The following SLC4A10 variants were observed in gnomAD, a reference collection of about 807,000 sequenced individuals.
SLC4A10 encodes sodium-driven chloride bicarbonate exchanger.
In SLC4A10, 42 loss-of-function variants were observed where a neutral mutation model predicts 137.7. The ratio of observed to expected loss-of-function variants is 0.30; its 90% CI spans 0.24 to 0.39. The LOEUF is 0.39. SLC4A10 is among the 10% of genes least tolerant of loss of function. SLC4A10 has a pLI of 1.00. For missense variants in SLC4A10, 925 were observed against 1,355.0 expected, an observed-to-expected ratio of 0.68 and a Z score of 4.98; for synonymous variants, 474 against 464.1, an observed-to-expected ratio of 1.02 and a Z score of -0.27.
intron 11 of SLC4A10, among the ~76,000 whole-genome samples, chr2:161,898,381 CT>C (rs2063736077): frequency 2.0e-5 from 3 of 152,080 alleles, no homozygotes; most frequent in Non-Finnish European, 2.9e-5. Flanking sequence ...CAGATATGCT[CT>C]ATGCTTCTTT....
intron 15 of SLC4A10, among the ~76,000 whole-genome samples, chr2:161,916,578 G>T (rs994758542): frequency 2.0e-5 from 3 of 152,178 alleles, no homozygotes; most frequent in African/African-American, 4.8e-5. Flanking sequence ...AAGCCAAAGG[G>T]CTTCTGTGAC....
chr2:161,905,041 T>G (rs1684023124), intron 14 of SLC4A10, 132 bp downstream of exon 14: 1 of 898,820 alleles, frequency 1.1e-6, no homozygotes, highest in Non-Finnish European at 1.6e-6. Flanking sequence ...TTTATCATTT[T>G]TGCTTCATCA....
chr2:161,662,980 T>C (rs747175315), intron 1 of SLC4A10, among the ~76,000 whole-genome samples: 5 of 152,178 alleles, frequency 3.3e-5, no homozygotes, highest in African/African-American at 7.2e-5. Flanking sequence ...CCTGGCAGTT[T>C]TGGTTGTGTG....
At chr2:161,869,625 A>G (rs972045459) in intron 6 of SLC4A10, among the ~76,000 whole-genome samples, 1 of 151,584 alleles carries the variant, frequency 6.6e-6, no homozygotes, top group Admixed American at 6.6e-5. Flanking sequence ...ACATCGTTCT[A>G]TATACTACCA....
intron 6 of SLC4A10, among the ~76,000 whole-genome samples, chr2:161,866,109 A>G (rs1231181248): frequency 1.3e-5 from 2 of 152,034 alleles, no homozygotes; most frequent in Admixed American, 6.6e-5. Context: ...AATTATCTCA[A>G]AAACAAATTG....
chr2:161,773,752 T>C (rs529744969), intron 2 of SLC4A10, among the ~76,000 whole-genome samples: 3 of 151,930 alleles, frequency 2.0e-5, no homozygotes, highest in Non-Finnish European at 2.9e-5. Flanking sequence ...TTCATATGTG[T>C]ATTATACATT....
intron 1 of SLC4A10, among the ~76,000 whole-genome samples, chr2:161,766,060 A>G (rs952068760): frequency 5.3e-5 from 8 of 152,168 alleles, no homozygotes; most frequent in African/African-American, 1.7e-4. Flanking sequence ...AAGAGTATAC[A>G]TTGGATTTTT....
intron 3 of SLC4A10, among the ~76,000 whole-genome samples, chr2:161,827,721 C>G (rs938167296): frequency 6.6e-6 from 1 of 152,132 alleles, no homozygotes; most frequent in Middle Eastern, 3.4e-3. Flanking sequence ...ACGCCCGCAC[C>G]AGGCCGGCTA....
intron 19 of SLC4A10, 72 bp downstream of exon 19, chr2:161,950,920 A>C: frequency 5.7e-6 from 7 of 1,224,474 alleles, no homozygotes; most frequent in Non-Finnish European, 7.9e-6. Context: ...TTTGACTTCT[A>C]TATTCTGTAT....
intron 23 of SLC4A10, among the ~76,000 whole-genome samples, chr2:161,968,087 A>G (rs1478295081): frequency 6.6e-6 from 1 of 152,188 alleles, no homozygotes; most frequent in African/African-American, 2.4e-5. Context: ...CACAAAATGA[A>G]AAATGATATG....
Position 161,660,572 on chromosome 2 carries a change from CTTTCTT to C in SLC4A10, c.48+36008_48+36013del, listed in dbSNP as rs1286516518. On this transcript the variant is annotated intron_variant, in intron 1 of 26. Coordinates refer to ENST00000446997, the MANE Select transcript of SLC4A10 (RefSeq NM_001178015.2). The stretch of plus-strand genomic sequence containing the variant: ...CTCATCTATATTTCTTTCTTTCTTT[CTTTCTT>C]TCTTTCTTTCTTTCTTTCTTTCTTT... 2.5e-5 allele frequency among the ~76,000 whole-genome samples: 3 copies of C among 120,140 alleles called. No homozygotes were observed. In the South Asian group the frequency reaches 7.5e-4, roughly 30 times the overall value. The allele number at this position is 120,140 out of a possible 152,430, so 78.8% of individuals were successfully genotyped here.
intron 3 of SLC4A10, among the ~76,000 whole-genome samples, chr2:161,837,786 G>A (rs2058910069): frequency 6.6e-6 from 1 of 152,126 alleles, no homozygotes; most frequent in South Asian, 2.1e-4. Flanking sequence ...AAACTCATAG[G>A]TTGATATTCT....
intron 2 of SLC4A10, among the ~76,000 whole-genome samples, chr2:161,793,126 C>A (rs1396186435): frequency 1.3e-5 from 2 of 151,894 alleles, no homozygotes; most frequent in Non-Finnish European, 2.9e-5. Flanking sequence ...AACTTTTTTG[C>A]TTCTTCATTC....
intron 1 of SLC4A10, among the ~76,000 whole-genome samples, chr2:161,722,900 G>C (rs1288576802): frequency 6.6e-6 from 1 of 152,208 alleles, no homozygotes; most frequent in African/African-American, 2.4e-5. Flanking sequence ...GGGATGCCCT[G>C]CCTGGTGAGG....
At chr2:161,941,566 G>A (rs150825543) in intron 15 of SLC4A10, among the ~76,000 whole-genome samples, 1 of 152,104 alleles carries the variant, frequency 6.6e-6, no homozygotes, top group Admixed American at 6.6e-5. Flanking sequence ...TTAAGCAGAG[G>A]ACATGAAGGG....
At chr2:161,677,747 T>C (rs1245282784) in intron 1 of SLC4A10, among the ~76,000 whole-genome samples, 2 of 152,250 alleles carry the variant, frequency 1.3e-5, no homozygotes, top group Non-Finnish European at 2.9e-5. Context: ...GTTTACTTTA[T>C]ATATGATAAA....
At position 161,890,323 on chromosome 2, in the gene SLC4A10, G is replaced by A. The variant is rs572832721; in HGVS notation, c.1195-4356G>A. On this transcript the variant is annotated intron_variant, in intron 10 of 26. Transcript: ENST00000446997. ...TTAGATCTGCTTGGTCCAGAGCTGA[G>A]TTCAAGTCCTGAATATCCTTGTTGA... Among the ~76,000 whole-genome samples, 7 of 152,252 alleles carry A rather than the reference G, an allele frequency of 4.6e-5. No homozygotes were observed. In the East Asian group the frequency reaches 1.4e-3, roughly 29 times the overall value.
At chr2:161,951,986 T>C (rs1694886235) in intron 19 of SLC4A10, among the ~76,000 whole-genome samples, 1 of 152,144 alleles carries the variant, frequency 6.6e-6, no homozygotes, top group Admixed American at 6.6e-5. Flanking sequence ...TGTATTTTAT[T>C]AAATGATACA....
chr2:161,643,364 A>G (rs1372982582), intron 1 of SLC4A10, among the ~76,000 whole-genome samples: 1 of 152,128 alleles, frequency 6.6e-6, no homozygotes, highest in Admixed American at 6.5e-5. Flanking sequence ...CAAAGTGAAC[A>G]TACATTCCCT....
Sources: allele counts gnomAD v4.1 joint callset (sites outside exome capture counted in the v4.1 genomes callset), GRCh38; gene constraint gnomAD v4.1.1; transcripts MANE v1.5; gene names NCBI Gene and HGNC (gene_info 2026-07-23, HGNC 2026-07-21).